Variants in PTPRD observed in about 807,000 individuals in gnomAD.
PTPRD encodes the protein receptor-type tyrosine-protein phosphatase delta.
In PTPRD, 34 loss-of-function variants were observed where a neutral mutation model predicts 214.5. That is an observed-to-expected ratio of 0.16 (90% confidence interval 0.12 to 0.21). The LOEUF is 0.21. Among genes scored for constraint, PTPRD ranks in the 10% least tolerant of loss-of-function variants. The probability of loss-of-function intolerance (pLI) is 1.00; values close to 1 mark genes in which losing one functional copy is unlikely to be tolerated. For missense variants in PTPRD, 2,545 were observed against 2,398.7 expected, an observed-to-expected ratio of 1.06 and a Z score of -1.27; for synonymous variants, 1,128 against 845.7, an observed-to-expected ratio of 1.33 and a Z score of -5.79.
intron 3 of PTPRD, among the ~76,000 whole-genome samples, chr9:10,208,503 G>C (rs1186376424): frequency 1.3e-5 from 2 of 152,218 alleles, no homozygotes; most frequent in African/African-American, 2.4e-5. Flanking sequence ...GACAGAGCGA[G>C]ACTGCGTCTC....
In PTPRD at chr9:9,915,885, T is replaced by C. The variant is rs557494832; in HGVS notation, c.-368+22622A>G. ...GGAAGGTCAAAGAACTTCAGATTGA[T>C]TCAGCCCAAACAGGTCTACTCCAAG... is the stretch of plus-strand genomic sequence containing the variant. On this transcript the variant is annotated intron_variant, in intron 5 of 45. Transcript: ENST00000381196. Among the ~76,000 whole-genome samples, 13 of 152,138 alleles carry C rather than the reference T, an allele frequency of 8.5e-5. No homozygotes were observed. In the South Asian group the frequency reaches 2.5e-3, roughly 29 times the overall value.
chr9:8,319,445 G>T (rs1015928840), intron 45 of PTPRD, among the ~76,000 whole-genome samples: 1 of 152,008 alleles, frequency 6.6e-6, no homozygotes, highest in East Asian at 1.9e-4. Context: ...TAGGCATACA[G>T]AGGGAGAATG....
chr9:9,888,437 A>G (rs1347516531), intron 5 of PTPRD, among the ~76,000 whole-genome samples: 1 of 152,072 alleles, frequency 6.6e-6, no homozygotes, highest in Non-Finnish European at 1.5e-5. Flanking sequence ...TCTCATCTTC[A>G]GTGTTGGAGG....
chr9:9,455,539 T>A (rs865950201), intron 8 of PTPRD, among the ~76,000 whole-genome samples: 1 of 151,668 alleles, frequency 6.6e-6, no homozygotes, highest in Admixed American at 6.6e-5. Context: ...GAGTTTACTT[T>A]TACAAGGCCC....
intron 11 of PTPRD, among the ~76,000 whole-genome samples, 192 bp from the exon 12 acceptor site, chr9:8,734,138 T>C (rs1053894057): frequency 1.3e-5 from 2 of 152,214 alleles, no homozygotes; most frequent in African/African-American, 4.8e-5. Flanking sequence ...TGTAGGAGTC[T>C]TAGACTATCC....
intron 9 of PTPRD, among the ~76,000 whole-genome samples, chr9:9,364,331 C>T (rs1047868434): frequency 2.0e-5 from 3 of 151,376 alleles, no homozygotes; most frequent in Non-Finnish European, 3.0e-5. Flanking sequence ...AATTTTCCCC[C>T]GAAGTGCTTA....
intron 7 of PTPRD, among the ~76,000 whole-genome samples, chr9:9,587,547 C>G (rs1346439159): frequency 7.3e-6 from 1 of 137,472 alleles, no homozygotes; most frequent in Middle Eastern, 3.3e-3. Context: ...CCAAAAAAGA[C>G]CAGTTTGCTT....
At chr9:8,854,012 C>A (rs1221383261) in intron 11 of PTPRD, among the ~76,000 whole-genome samples, 1 of 152,022 alleles carries the variant, frequency 6.6e-6, no homozygotes, top group Non-Finnish European at 1.5e-5. Context: ...TTTTTGAATA[C>A]TCTGGGAAAA....
chr9:8,444,911 C>G (rs1386354818), intron 34 of PTPRD, among the ~76,000 whole-genome samples: 2 of 152,128 alleles, frequency 1.3e-5, no homozygotes, highest in African/African-American at 4.8e-5. Context: ...AGTGCGCACC[C>G]AGTTACTGCT....
At chr9:9,321,589 C>T (rs770504327) in intron 9 of PTPRD, among the ~76,000 whole-genome samples, 13 of 148,574 alleles carry the variant, frequency 8.7e-5, no homozygotes, top group Non-Finnish European at 1.6e-4. Context: ...TGTTAAAATG[C>T]CATGTATGCA....
intron 2 of PTPRD, among the ~76,000 whole-genome samples, chr9:10,479,124 A>G (rs1313079589): frequency 6.6e-6 from 1 of 152,194 alleles, no homozygotes; most frequent in Non-Finnish European, 1.5e-5. Flanking sequence ...GGCTAAAATA[A>G]AATGAATAAA....
At chr9:9,304,194 T>G (rs1470220718) in intron 9 of PTPRD, among the ~76,000 whole-genome samples, 4 of 152,118 alleles carry the variant, frequency 2.6e-5, no homozygotes, top group African/African-American at 9.7e-5. Context: ...TTTTATAAAT[T>G]AGATCATAAT....
chr9:10,211,638 G>A (rs2099517456), intron 3 of PTPRD, among the ~76,000 whole-genome samples: 2 of 152,138 alleles, frequency 1.3e-5, no homozygotes, highest in East Asian at 1.9e-4. Context: ...ATTACATAAT[G>A]TCTTTTGCCC....
At chr9:9,687,051 A>G (rs1462559246) in intron 7 of PTPRD, among the ~76,000 whole-genome samples, 4 of 151,780 alleles carry the variant, frequency 2.6e-5, no homozygotes, top group Non-Finnish European at 5.9e-5. Flanking sequence ...CCCAGCACCT[A>G]ACAGTGTAGT....
At chr9:9,856,830 C>T (rs900173213) in intron 5 of PTPRD, among the ~76,000 whole-genome samples, 1 of 151,862 alleles carries the variant, frequency 6.6e-6, no homozygotes. Context: ...GACTGGAAGA[C>T]CTCTATTGAT....
At chr9:9,559,302 T>C (rs557689966) in intron 8 of PTPRD, among the ~76,000 whole-genome samples, 1 of 152,068 alleles carries the variant, frequency 6.6e-6, no homozygotes, top group East Asian at 1.9e-4. Flanking sequence ...AGTCTGGGAG[T>C]TGGTTACCCA....
At chr9:10,084,903 A>G (rs2098306799) in intron 3 of PTPRD, among the ~76,000 whole-genome samples, 1 of 151,902 alleles carries the variant, frequency 6.6e-6, no homozygotes, top group South Asian at 2.1e-4. Context: ...TACATAGAAG[A>G]TCTCAATAGG....
chr9:8,926,496 C>T (rs1250151874), intron 11 of PTPRD, among the ~76,000 whole-genome samples: 1 of 152,096 alleles, frequency 6.6e-6, no homozygotes, highest in Non-Finnish European at 1.5e-5. Flanking sequence ...CTATGTGACC[C>T]TGAACTCTAG....
At position 8,449,765 on chromosome 9, in the gene PTPRD, T is replaced by C. The variant is rs1041853857; in HGVS notation, c.3948A>G (p.Thr1316=). The C allele has an allele frequency of 4.3e-6, 7 of 1,614,024 alleles. No individual in the cohort carries two copies. Among genetic ancestry groups the C allele is most frequent in the East Asian group, 4.5e-5 (2 of 44,896 alleles). ...NNKEIPSHHP[T]DPVELRRLNF... ...TAAGGCGCCTCAGTTCTACAGGGTC[T>C]GTTGGGTGGTGTGAAGGGATCTCCT... The change falls in exon 34 of 46, where the codon ACA becomes ACG. Residue 1316 remains threonine (T), a synonymous_variant. Coordinates refer to ENST00000381196, the MANE Select transcript of PTPRD (RefSeq NM_002839.4).
Sources: gnomAD v4.1 joint callset for allele counts (sites outside exome capture counted in the v4.1 genomes callset) on GRCh38, gnomAD v4.1.1 for gene constraint, MANE v1.5 for transcripts, NCBI Gene and HGNC (gene_info 2026-07-23, HGNC 2026-07-21) for gene names.